Variants in ADCY3 observed in about 807,000 individuals in gnomAD.
ADCY3 encodes adenylate cyclase type 3.
A neutral mutation model predicts 119.4 loss-of-function variants in ADCY3; 70 were observed. The observed-to-expected ratio is 0.59, with a 90% CI of 0.48 to 0.72. The LOEUF (loss-of-function observed/expected upper bound fraction) is 0.72, where lower values mean the gene tolerates loss of function less well. Among genes scored for constraint, ADCY3 ranks in the 30% least tolerant of loss-of-function variants. The pLI, the probability that ADCY3 is intolerant of heterozygous loss-of-function variation, is 0.00. For synonymous variants in ADCY3, 672 were observed against 621.4 expected (o/e 1.08, Z -1.21); for missense variants, 1,238 against 1,541.6 (o/e 0.80, Z 3.30).
chr2:24,826,749 A>G (rs72792187), intron 15 of ADCY3: 13 of 32,512 alleles, frequency 4.0e-4, no homozygotes, highest in African/African-American at 6.8e-4. Flanking sequence ...AGATGTGTGT[A>G]TATATATATA....
chr2:24,897,576 G>C (rs1678427532), intron 2 of ADCY3, among the ~76,000 whole-genome samples: 1 of 152,178 alleles, frequency 6.6e-6, no homozygotes, highest in Non-Finnish European at 1.5e-5. Context: ...TGCTTGGTCA[G>C]TGTTCCTCCC....
chr2:24,853,324 G>A (rs1005990128), intron 3 of ADCY3, among the ~76,000 whole-genome samples: 1 of 152,174 alleles, frequency 6.6e-6, no homozygotes, highest in African/African-American at 2.4e-5. Flanking sequence ...AGCTGCCGCA[G>A]GGGAAGGTGC....
At chr2:24,820,949 G>GT in intron 20 of ADCY3, 101 bp from the exon 21 acceptor site, 2 of 1,488,644 alleles carry the variant, frequency 1.3e-6, no homozygotes, top group Non-Finnish European at 1.8e-6. Context: ...AGCTCCTAAT[G>GT]TAACACATCA....
intron 2 of ADCY3, among the ~76,000 whole-genome samples, chr2:24,913,617 T>G (rs1664073022): frequency 6.6e-6 from 1 of 152,040 alleles, no homozygotes; most frequent in Admixed American, 6.6e-5. Flanking sequence ...CATCCAGGAT[T>G]AAATGGGATG....
chr2:24,897,937 A>G (rs545087793), intron 2 of ADCY3, among the ~76,000 whole-genome samples: 1 of 152,304 alleles, frequency 6.6e-6, no homozygotes, highest in East Asian at 1.9e-4. Flanking sequence ...CCTGAAAGGT[A>G]GCAGGGCTCA....
In ADCY3 at chr2:24,882,129, G is replaced by A. The variant is rs544671511; in HGVS notation, c.676-9410C>T. 2.0e-5 allele frequency among the ~76,000 whole-genome samples: 3 copies of A among 152,318 alleles called. No homozygotes were observed. The East Asian group carries it at 5.8e-4, about 29-fold the overall frequency. On this transcript the variant is annotated intron_variant, in intron 2 of 21. Coordinates refer to ENST00000679454, the MANE Select transcript of ADCY3 (RefSeq NM_004036.5). ...GTCAATTGTAGAGTTTGTGGGCTAA[G>A]AGGAGAATGCTCCTGATACTTACTG...
intron 3 of ADCY3, among the ~76,000 whole-genome samples, chr2:24,858,959 C>G (rs1673320894): frequency 6.6e-6 from 1 of 152,168 alleles, no homozygotes; most frequent in Non-Finnish European, 1.5e-5. Context: ...TTTGCTAAGT[C>G]CTGGAATGTT....
Position 24,920,114 on chromosome 2 carries a change from C to A in ADCY3, c.-629G>T, listed in dbSNP as rs1022892436. On this transcript the variant is annotated 5_prime_UTR_variant, in exon 1 of 22. Transcript: ENST00000679454. This position sits in a 1 kb window ranked among gnomAD's most constrained non-coding sequence, Gnocchi z 4.5. The stretch of plus-strand genomic sequence containing the variant: ...CTCCCCGGCGGGAGCGCGGGCCGAG[C>A]CCGGGGAAGCCCGCCAGCATCCTCT... Among the ~76,000 whole-genome samples, 1 of 145,968 alleles carries A rather than the reference C, an allele frequency of 6.9e-6. No homozygotes were observed.
chr2:24,823,101 T>C, intron 18 of ADCY3, 108 bp downstream of exon 18: 1 of 1,373,898 alleles, frequency 7.3e-7, no homozygotes, highest in Non-Finnish European at 9.7e-7. Context: ...GGAAGGGGCT[T>C]ATCTGGGAAA....
intron 3 of ADCY3, among the ~76,000 whole-genome samples, chr2:24,845,226 G>A (rs1326803182): frequency 6.6e-6 from 1 of 152,240 alleles, no homozygotes; most frequent in African/African-American, 2.4e-5. Context: ...AAACGTGGAA[G>A]TGACTTTGGA....
At chr2:24,903,193 G>A (rs142933215) in intron 2 of ADCY3, among the ~76,000 whole-genome samples, 1 of 151,848 alleles carries the variant, frequency 6.6e-6, no homozygotes, top group African/African-American at 2.4e-5. Flanking sequence ...TTGACTGTGT[G>A]GGGGGCAGCA....
chr2:24,827,890 G>A lies in ADCY3; in HGVS notation c.2432+12C>T, dbSNP rs755558661. ...GGAGACAATACAGATCCCCAGTCACGCTTCATCTTACTCGTGCTCCCGAAA... is the reference window on the plus strand; with the variant it reads ...GGAGACAATACAGATCCCCAGTCACACTTCATCTTACTCGTGCTCCCGAAA... On this transcript the variant is annotated intron_variant, in intron 14 of 21. Coordinates refer to ENST00000679454, the MANE Select transcript of ADCY3 (RefSeq NM_004036.5). 4 of 1,613,678 alleles carry A rather than the reference G, an allele frequency of 2.5e-6. No individual in the cohort carries two copies. The highest frequency in any genetic ancestry group is 1.3e-5 in the African/African-American group (1 of 75,058).
intron 2 of ADCY3, among the ~76,000 whole-genome samples, chr2:24,883,397 G>C (rs1025911402): frequency 3.9e-5 from 6 of 152,074 alleles, no homozygotes; most frequent in African/African-American, 1.4e-4. Context: ...TGTGCAGCTC[G>C]ATTCTGAGGG....
intron 3 of ADCY3, among the ~76,000 whole-genome samples, chr2:24,845,777 C>T (rs1013340239): frequency 6.6e-6 from 1 of 152,330 alleles, no homozygotes; most frequent in African/African-American, 2.4e-5. Flanking sequence ...TTTGCGGCAG[C>T]CCCTCCCACC....
intron 2 of ADCY3, among the ~76,000 whole-genome samples, chr2:24,886,358 T>A (rs1022181053): frequency 6.6e-6 from 1 of 152,154 alleles, no homozygotes; most frequent in Non-Finnish European, 1.5e-5. Context: ...CCTGGCCGCC[T>A]TCCGCCTCCC....
intron 2 of ADCY3, among the ~76,000 whole-genome samples, chr2:24,909,849 C>G (rs1160874940): frequency 2.6e-5 from 4 of 152,186 alleles, no homozygotes; most frequent in Non-Finnish European, 2.9e-5. Flanking sequence ...ACTCAAACAT[C>G]AAAAGATAGA....
intron 16 of ADCY3, 149 bp downstream of exon 16, chr2:24,825,896 A>C (rs898562140): frequency 2.9e-6 from 2 of 698,574 alleles, no homozygotes; most frequent in African/African-American, 3.6e-5. Context: ...CTGAATAGAG[A>C]AGGCGGTGGC....
At chr2:24,857,246 G>T (rs922387410) in intron 3 of ADCY3, among the ~76,000 whole-genome samples, 14 of 152,256 alleles carry the variant, frequency 9.2e-5, no homozygotes, top group Admixed American at 9.2e-4. Context: ...CAAGGTGACT[G>T]CAGTCTCAGG....
At chr2:24,854,294 G>A (rs1455017786) in intron 3 of ADCY3, among the ~76,000 whole-genome samples, 1 of 152,200 alleles carries the variant, frequency 6.6e-6, no homozygotes. Flanking sequence ...AAGAAACAAA[G>A]CATGTTTAAA....
Sources: allele counts gnomAD v4.1 joint callset (sites outside exome capture counted in the v4.1 genomes callset), GRCh38; gene constraint gnomAD v4.1.1; non-coding constraint Gnocchi (gnomAD v3.1); transcripts MANE v1.5; gene names NCBI Gene and HGNC (gene_info 2026-07-23, HGNC 2026-07-21).